Variants in CEP85L observed in about 807,000 individuals in gnomAD.
CEP85L encodes the protein centrosomal protein of 85 kDa-like.
Under a neutral mutation model 100.3 loss-of-function variants are expected in CEP85L, and 60 were observed. The ratio of observed to expected loss-of-function variants is 0.60; its 90% CI spans 0.49 to 0.74. CEP85L has a LOEUF of 0.74. Ranked by LOEUF, CEP85L falls within the 30% of genes least tolerant of loss-of-function variation. The pLI is 0.00. For missense variants in CEP85L, 973 were observed against 936.2 expected (o/e 1.04, Z -0.51); for synonymous variants, 319 against 322.7 (o/e 0.99, Z 0.12).
chr6:118,589,147 T>C (rs1205988450), intron 2 of CEP85L: 1 of 280,258 alleles, frequency 3.6e-6, no homozygotes, highest in Admixed American at 3.7e-5. Flanking sequence ...AGGCCTTCAA[T>C]GATATTGCCA....
rs1777380082 is a variant in CEP85L, at chr6:118,533,032, C to T, written c.1021-9112G>A. Among the ~76,000 whole-genome samples the T allele has an allele frequency of 2.0e-5, 3 of 151,880 alleles. No homozygotes were observed. In the South Asian group the frequency reaches 6.2e-4, roughly 32 times the overall value. On this transcript the variant is annotated intron_variant, in intron 3 of 12. Transcript: ENST00000368491. ...TGAGAAGGAAATTTACAGCACTAAG[C>T]AGTTATATTAGAAAAAGGGAAAAAG...
intron 2 of CEP85L, among the ~76,000 whole-genome samples, chr6:118,569,121 A>G (rs1779719536): frequency 6.6e-6 from 1 of 151,954 alleles, no homozygotes; most frequent in Non-Finnish European, 1.5e-5. Context: ...CAGGCGGATT[A>G]CTTGAGGTCA....
At chr6:118,487,850 C>A (rs1293968053) in intron 6 of CEP85L, among the ~76,000 whole-genome samples, 1 of 152,158 alleles carries the variant, frequency 6.6e-6, no homozygotes, top group East Asian at 1.9e-4. Context: ...TGAAGAAACT[C>A]CAGATTCAAG....
intron 7 of CEP85L, 91 bp from the exon 8 acceptor site, chr6:118,482,024 C>T: frequency 2.2e-6 from 1 of 462,128 alleles, no homozygotes; most frequent in Non-Finnish European, 3.2e-6. Flanking sequence ...GATTAACAGA[C>T]TTGTAGCTAA....
chr6:118,503,314 T>C (rs1401587956), intron 5 of CEP85L, among the ~76,000 whole-genome samples: 3 of 152,364 alleles, frequency 2.0e-5, no homozygotes, highest in East Asian at 1.9e-4. Flanking sequence ...TGAATAGATA[T>C]TCCATGTTCA....
At position 118,469,120 on chromosome 6, in the gene CEP85L, G is replaced by C. The variant is rs746370053; in HGVS notation, c.2206C>G (p.Arg736Gly). The stretch of plus-strand genomic sequence containing the variant: ...AGATTAGGCTCCTTGCCCTGAGCAC[G>C]CTGATTAAGAATACTACACAATGCT... ...LKALCSILNQ[R>G]AQGKEPNLSL... is the part of the protein sequence containing the mutation. The change falls in exon 12 of 13, where the codon CGT becomes GGT. Residue 736 changes from arginine (R) to glycine (G), a missense_variant. Physicochemically the swap from Arg to Gly is moderately radical, Grantham distance 125 (BLOSUM62 -2). Transcript: ENST00000368491. The C allele has an allele frequency of 2.9e-5, 47 of 1,613,838 alleles. No homozygotes were observed. Among genetic ancestry groups the C allele is most frequent in the Non-Finnish European group, 3.6e-5 (43 of 1,179,788 alleles).
intron 1 of CEP85L, among the ~76,000 whole-genome samples, chr6:118,682,793 A>G (rs935795385): frequency 2.6e-5 from 4 of 151,500 alleles, no homozygotes. Context: ...ACACACACAC[A>G]CACACACACA....
intron 1 of CEP85L, among the ~76,000 whole-genome samples, chr6:118,682,711 A>G (rs1776705463): frequency 8.1e-6 from 1 of 124,150 alleles, no homozygotes; most frequent in South Asian, 2.7e-4. Flanking sequence ...CTAAAGCTTC[A>G]AACTGGAAGA....
chr6:118,516,039 G>C (rs1776255812), intron 4 of CEP85L, among the ~76,000 whole-genome samples: 1 of 152,084 alleles, frequency 6.6e-6, no homozygotes, highest in African/African-American at 2.4e-5. Context: ...TGAGAATGAT[G>C]GTTTCCAGCT....
At chr6:118,655,722 A>G (rs1239303506), upstream of CEP85L, among the ~76,000 whole-genome samples, 1 of 152,192 alleles carries the variant, frequency 6.6e-6, no homozygotes, top group East Asian at 1.9e-4. Flanking sequence ...TTGGATTGAG[A>G]TGTACTCAGT....
chr6:118,511,182 T>C, intron 5 of CEP85L, 116 bp downstream of exon 5: 1 of 707,872 alleles, frequency 1.4e-6, no homozygotes, highest in Non-Finnish European at 2.4e-6. Flanking sequence ...TAAATAAATA[T>C]AAATCATGTG....
intron 1 of CEP85L, among the ~76,000 whole-genome samples, chr6:118,669,347 G>C (rs1021566554): frequency 1.1e-4 from 16 of 152,116 alleles, no homozygotes; most frequent in African/African-American, 3.6e-4. Flanking sequence ...GAGGGCATTA[G>C]GGAAACTTAA....
chr6:118,649,737 A>G (rs1471426736), intron 1 of CEP85L, among the ~76,000 whole-genome samples: 1 of 14,912 alleles, frequency 6.7e-5, no homozygotes, highest in Non-Finnish European at 2.3e-4. Context: ...TACAATTTAG[A>G]AAAAAAAAAT....
chr6:118,622,780 A>G lies in CEP85L; in HGVS notation c.232+9673T>C, dbSNP rs529089856. Among the ~76,000 whole-genome samples, 3 of 152,332 alleles carry G rather than the reference A, an allele frequency of 2.0e-5. No individual in the cohort carries two copies. The South Asian group carries it at 6.2e-4, about 32-fold the overall frequency. On this transcript the variant is annotated intron_variant, in intron 2 of 12. Transcript: ENST00000368491. ...ACTGCACGCAGTGCAGAAACCCAAG[A>G]AGGCGGCAGTCTTACACTGCCGGGG...
intron 1 of CEP85L, among the ~76,000 whole-genome samples, chr6:118,673,869 G>A (rs1776392696): frequency 6.6e-6 from 1 of 152,144 alleles, no homozygotes; most frequent in African/African-American, 2.4e-5. Flanking sequence ...ACTCGTGAAA[G>A]AGTTAATAAT....
intron 4 of CEP85L, among the ~76,000 whole-genome samples, chr6:118,516,274 G>A (rs1582955570): frequency 1.3e-5 from 2 of 152,162 alleles, no homozygotes; most frequent in East Asian, 1.9e-4. Flanking sequence ...ACCCAGTAAT[G>A]GGATTGCTGG....
At chr6:118,544,512 A>C (rs1778086276) in intron 3 of CEP85L, among the ~76,000 whole-genome samples, 1 of 152,156 alleles carries the variant, frequency 6.6e-6, no homozygotes. Context: ...ATTTCCTTGA[A>C]GCCACGTAGC....
intron 1 of CEP85L, among the ~76,000 whole-genome samples, chr6:118,688,387 GT>G (rs1418007899): frequency 6.6e-6 from 1 of 152,102 alleles, no homozygotes; most frequent in Non-Finnish European, 1.5e-5. Flanking sequence ...CAGGTACTTT[GT>G]TTATCTTTTT....
chr6:118,479,331 C>G (rs1188501500), intron 10 of CEP85L, among the ~76,000 whole-genome samples: 1 of 152,082 alleles, frequency 6.6e-6, no homozygotes, highest in Admixed American at 6.6e-5. Flanking sequence ...TGACCAATGA[C>G]TTCCCATCAC....
Sources: gnomAD v4.1 joint callset for allele counts (sites outside exome capture counted in the v4.1 genomes callset) on GRCh38, gnomAD v4.1.1 for gene constraint, MANE v1.5 for transcripts, NCBI Gene and HGNC (gene_info 2026-07-23, HGNC 2026-07-21) for gene names.